EMSY: variants seen among roughly 807,000 people sequenced by gnomAD.
EMSY encodes the protein BRCA2-interacting transcriptional repressor EMSY.
A neutral mutation model predicts 134.6 loss-of-function variants in EMSY; 26 were observed. That is an observed-to-expected ratio of 0.19 (90% CI 0.14 to 0.27). EMSY has a LOEUF of 0.27. Ranked by LOEUF, EMSY falls within the 10% of genes least tolerant of loss-of-function variation. The pLI, the probability that EMSY is intolerant of heterozygous loss-of-function variation, is 1.00. For synonymous variants in EMSY, 579 were observed against 577.8 expected, an observed-to-expected ratio of 1.00 and a Z score of -0.03; for missense variants, 1,305 against 1,611.4, an observed-to-expected ratio of 0.81 and a Z score of 3.26.
At chr11:76,507,357 A>G (rs1338345633) in intron 9 of EMSY, among the ~76,000 whole-genome samples, 1 of 152,200 alleles carries the variant, frequency 6.6e-6, no homozygotes, top group African/African-American at 2.4e-5. Flanking sequence ...TTCCTTCTGT[A>G]AAAGATTTCT....
chr11:76,537,921 C>T, exon 16 of EMSY: 1 of 1,613,398 alleles, frequency 6.2e-7, no homozygotes, highest in Non-Finnish European at 8.5e-7. Flanking sequence ...GTGGTAGAGT[C>T]AGAACTAGTA....
At chr11:76,451,528 A>G (rs1158293172) in intron 2 of EMSY, among the ~76,000 whole-genome samples, 2 of 152,234 alleles carry the variant, frequency 1.3e-5, no homozygotes, top group Non-Finnish European at 2.9e-5. Flanking sequence ...AAAACGTCTC[A>G]GCCTTGTTAC....
chr11:76,450,946 A>G (rs1947641824), intron 2 of EMSY, among the ~76,000 whole-genome samples: 1 of 151,622 alleles, frequency 6.6e-6, no homozygotes, highest in South Asian at 2.1e-4. Context: ...GGTGTGTACC[A>G]CCACACCCAG....
intron 6 of EMSY, among the ~76,000 whole-genome samples, chr11:76,463,585 T>C (rs924045405): frequency 6.5e-5 from 9 of 139,334 alleles, no homozygotes; most frequent in Non-Finnish European, 1.1e-4. Context: ...ATTGCGCCAC[T>C]GCAGTCCGCA....
At chr11:76,464,104 C>T (rs756255608) in intron 7 of EMSY, 24 bp downstream of exon 8, 2 of 1,613,016 alleles carry the variant, frequency 1.2e-6, no homozygotes, top group South Asian at 2.2e-5. Context: ...GGAGTCTCTG[C>T]CTGCCAATTG....
chr11:76,524,900 C>T (rs117874649), intron 12 of EMSY, among the ~76,000 whole-genome samples: 2,513 of 152,292 alleles, frequency 0.017, 47 homozygotes, highest in East Asian at 0.09. Flanking sequence ...CACCTATAGT[C>T]CCAGCTACTT....
At chr11:76,522,653 G>T (rs1210066815) in intron 11 of EMSY, among the ~76,000 whole-genome samples, 2 of 152,024 alleles carry the variant, frequency 1.3e-5, no homozygotes, top group South Asian at 2.1e-4. Flanking sequence ...GAGCCACCAC[G>T]CCTGGCCTAC....
chr11:76,499,203 C>T (rs543788657), intron 9 of EMSY, among the ~76,000 whole-genome samples: 3 of 151,800 alleles, frequency 2.0e-5, no homozygotes, highest in Non-Finnish European at 4.4e-5. Flanking sequence ...TCAAGTGATC[C>T]GCCCACCTCA....
At chr11:76,482,553 T>C (rs1338839688) in intron 8 of EMSY, among the ~76,000 whole-genome samples, 1 of 152,172 alleles carries the variant, frequency 6.6e-6, no homozygotes, top group African/African-American at 2.4e-5. Context: ...GAGAAAAACA[T>C]AAATGACTTG....
chr11:76,550,453 A>G (rs536741419), exon 21 of EMSY: 3 of 210,122 alleles, frequency 1.4e-5, no homozygotes, highest in African/African-American at 6.8e-5. Context: ...TTGCAGTGGA[A>G]AGAGACTTCC....
chr11:76,501,572 C>T (rs916347848), intron 9 of EMSY, among the ~76,000 whole-genome samples: 2 of 151,992 alleles, frequency 1.3e-5, no homozygotes, highest in African/African-American at 2.4e-5. Context: ...GAGGGGTTCA[C>T]GTGTAGATCT....
At chr11:76,471,624 C>A (rs935318863) in intron 7 of EMSY, among the ~76,000 whole-genome samples, 1 of 151,772 alleles carries the variant, frequency 6.6e-6, no homozygotes, top group African/African-American at 2.4e-5. Context: ...TTGTAGATAC[C>A]CCAACTGTTA....
intron 7 of EMSY, among the ~76,000 whole-genome samples, chr11:76,470,113 T>G (rs1196034987): frequency 1.3e-5 from 2 of 152,206 alleles, no homozygotes; most frequent in African/African-American, 4.8e-5. Context: ...TGGTCCGAGC[T>G]TCTTTGAGAT....
intron 9 of EMSY, among the ~76,000 whole-genome samples, chr11:76,501,849 AATAAG>A (rs765964898): frequency 1.1e-3 from 175 of 152,276 alleles, no homozygotes; most frequent in Non-Finnish European, 2.1e-3. Context: ...ACAAATTACA[AATAAG>A]ATAAACAAAG....
chr11:76,494,710 CCTTCCTTCCTTCCTTCCTTCCTTCCTTT>C (rs1430861640), intron 8 of EMSY, among the ~76,000 whole-genome samples: 3 of 107,684 alleles, frequency 2.8e-5, no homozygotes, highest in African/African-American at 1.1e-4. Flanking sequence ...TTCCTTCCTT[CCTTCCTTCCTTCCTTCCTTCCTTCCTTT>C]CCTTCCTTCC....
intron 1 of EMSY, 46 bp from the exon 2 acceptor site, chr11:76,446,854 T>A: frequency 7.6e-7 from 1 of 1,310,682 alleles, no homozygotes; most frequent in Non-Finnish European, 1.1e-6. Context: ...CCCTTGAATG[T>A]ACTTTGGTAC....
rs1410462193 is a variant in EMSY, at chr11:76,472,250, TTTAAA to T, written c.832-310_832-306del. Among the ~76,000 whole-genome samples the T allele has an allele frequency of 2.0e-5, 3 of 152,204 alleles. No homozygotes were observed. In the East Asian group the frequency reaches 5.8e-4, roughly 29 times the overall value. On this transcript the variant is annotated intron_variant, in intron 7 of 20. Transcript: ENST00000334736. Reference sequence around the variant, plus strand: ...ATAAATATTTATAAACGAATGAATGTTTAAATTACTTTCTAGAAAGAGTGTGCCAA... The same window carrying T: ...ATAAATATTTATAAACGAATGAATGTTTACTTTCTAGAAAGAGTGTGCCAA...
At chr11:76,486,989 C>T (rs1949211920) in intron 8 of EMSY, among the ~76,000 whole-genome samples, 1 of 152,118 alleles carries the variant, frequency 6.6e-6, no homozygotes, top group East Asian at 1.9e-4. Flanking sequence ...GTTAATAAGA[C>T]AGATGAGGCT....
At chr11:76,521,237 G>A (rs1298060453) in intron 11 of EMSY, among the ~76,000 whole-genome samples, 13 of 152,126 alleles carry the variant, frequency 8.5e-5, no homozygotes, top group Admixed American at 8.5e-4. Flanking sequence ...GGTAGATTAA[G>A]GGACAGATTA....
Sources: allele counts gnomAD v4.1 joint callset (sites outside exome capture counted in the v4.1 genomes callset), GRCh38; gene constraint gnomAD v4.1.1; transcripts MANE v1.5; gene names NCBI Gene and HGNC (gene_info 2026-07-23, HGNC 2026-07-21).